Variants in CRISPLD2 observed in about 807,000 individuals in gnomAD.
CRISPLD2 encodes cysteine rich secretory protein LCCL domain containing 2.
A neutral mutation model predicts 71.1 loss-of-function variants in CRISPLD2; 47 were observed. That is an observed-to-expected ratio of 0.66 (90% confidence interval 0.52 to 0.84). CRISPLD2 has a LOEUF of 0.84. Ranked by LOEUF, CRISPLD2 falls within the 40% of genes least tolerant of loss-of-function variation. The probability of loss-of-function intolerance (pLI) is 0.00; values close to 1 mark genes in which losing one functional copy is unlikely to be tolerated. For missense variants in CRISPLD2, 830 were observed against 651.1 expected, an observed-to-expected ratio of 1.27 and a Z score of -2.99; for synonymous variants, 317 against 250.1, an observed-to-expected ratio of 1.27 and a Z score of -2.52.
chr16:84,841,506 G>A (rs921405876), intron 2 of CRISPLD2, among the ~76,000 whole-genome samples: 6 of 151,846 alleles, frequency 4.0e-5, no homozygotes, highest in African/African-American at 1.5e-4. Flanking sequence ...TTTCTATGAG[G>A]AATAGAGTTT....
At position 84,909,387 on chromosome 16, in the gene CRISPLD2, A is replaced by G. The variant is rs546496905; in HGVS notation, c.*2745A>G. 1 of 152,666 alleles carries G rather than the reference A, an allele frequency of 6.6e-6. No individual in the cohort carries two copies. 9.5% of individuals were successfully genotyped at this position (152,666 alleles called of 1,614,324 possible). On this transcript the variant is annotated 3_prime_UTR_variant, in exon 15 of 15. Transcript: ENST00000262424. ...ATTGTAAATGTTTTTTGTGCTTTGC[A>G]TGAACAGGGGCCACGTTGTTGCAAT...
At position 84,909,307 on chromosome 16, in the gene CRISPLD2, G is replaced by A. The variant is rs1004183556; in HGVS notation, c.*2665G>A. The A allele has an allele frequency of 4.6e-5, 7 of 152,574 alleles. No homozygotes were observed. The South Asian group carries it at 1.4e-3, about 32-fold the overall frequency. The allele number at this position is 152,574 out of a possible 1,614,324, so 9.5% of individuals were successfully genotyped here. On this transcript the variant is annotated 3_prime_UTR_variant, in exon 15 of 15. Coordinates refer to ENST00000262424, the MANE Select transcript of CRISPLD2 (RefSeq NM_031476.4). ...CTCACTCAGCCCGCAGTTTATGTGTGTGCTTTTTTCTATGAAAAATGATGT... is the reference window on the plus strand; with the variant it reads ...CTCACTCAGCCCGCAGTTTATGTGTATGCTTTTTTCTATGAAAAATGATGT...
intron 7 of CRISPLD2, among the ~76,000 whole-genome samples, 162 bp downstream of exon 7, chr16:84,867,202 T>C (rs1917566271): frequency 6.6e-6 from 1 of 152,218 alleles, no homozygotes; most frequent in African/African-American, 2.4e-5. Context: ...AAGACGTTTT[T>C]CAAAAACGAT....
chr16:84,843,216 G>T (rs967803528), intron 2 of CRISPLD2, among the ~76,000 whole-genome samples: 9 of 152,296 alleles, frequency 5.9e-5, no homozygotes, highest in Middle Eastern at 3.4e-3. Context: ...GAGCAAGGAG[G>T]CTGAAAGGAT....
chr16:84,852,381 A>C (rs992911179), intron 5 of CRISPLD2, among the ~76,000 whole-genome samples: 2 of 152,100 alleles, frequency 1.3e-5, no homozygotes, highest in Non-Finnish European at 2.9e-5. Context: ...CCACCATTCT[A>C]GCATCTTTCC....
In CRISPLD2 at chr16:84,888,787, C is replaced by A. The variant is rs189021607; in HGVS notation, c.1306-443C>A. On this transcript the variant is annotated intron_variant, in intron 13 of 14. Transcript: ENST00000262424. ...ACGGCTGTGACTGTTTCCTTTATGT[C>A]GTTCTGTCTTCCCTGAGCAGTTCCC... is the stretch of plus-strand genomic sequence containing the variant. Among the ~76,000 whole-genome samples, 780 of 152,306 alleles carry A rather than the reference C, an allele frequency of 5.1e-3. 22 individuals carry two copies. The highest frequency in any genetic ancestry group is 0.048 in the Admixed American group (728 of 15,298).
At chr16:84,902,587 G>C (rs1453084337) in intron 14 of CRISPLD2, among the ~76,000 whole-genome samples, 5 of 151,018 alleles carry the variant, frequency 3.3e-5, no homozygotes, top group African/African-American at 1.2e-4. Flanking sequence ...TACAGCCTGG[G>C]TGACAGAGCG....
At chr16:84,847,465 C>T (rs1287498886) in intron 3 of CRISPLD2, among the ~76,000 whole-genome samples, 5 of 152,134 alleles carry the variant, frequency 3.3e-5, no homozygotes, top group African/African-American at 1.2e-4. Context: ...TCCTGGCCAA[C>T]ATAGTGAAAC....
At chr16:84,875,587 C>G (rs1298085910) in intron 11 of CRISPLD2, among the ~76,000 whole-genome samples, 1 of 151,430 alleles carries the variant, frequency 6.6e-6, no homozygotes, top group Non-Finnish European at 1.5e-5. Flanking sequence ...GATGGAGTCT[C>G]TCTCTGTCGC....
At chr16:84,905,668 G>T (rs1567709355) in intron 14 of CRISPLD2, among the ~76,000 whole-genome samples, 1 of 6,452 alleles carries the variant, frequency 1.5e-4, no homozygotes, top group Non-Finnish European at 2.3e-4. Context: ...TGGGATTCCA[G>T]GTGTGAGGTG....
intron 14 of CRISPLD2, among the ~76,000 whole-genome samples, chr16:84,904,713 G>A (rs1003296448): frequency 6.6e-6 from 1 of 152,024 alleles, no homozygotes; most frequent in Non-Finnish European, 1.5e-5. Flanking sequence ...AGTGGGCAGA[G>A]AATAATTTCT....
chr16:84,889,717 G>A (rs921657561), intron 14 of CRISPLD2, among the ~76,000 whole-genome samples: 13 of 150,656 alleles, frequency 8.6e-5, no homozygotes, highest in Admixed American at 3.3e-4. Flanking sequence ...TTTACTGTTA[G>A]ATTTCTTGGC....
intron 13 of CRISPLD2, 75 bp from the exon 14 acceptor site, chr16:84,889,155 A>T: frequency 6.2e-7 from 1 of 1,602,208 alleles, no homozygotes; most frequent in Non-Finnish European, 8.5e-7. Context: ...CCAGCAGTGA[A>T]TGATGGAGCC....
At chr16:84,883,548 A>G (rs1252080281) in intron 13 of CRISPLD2, among the ~76,000 whole-genome samples, 1 of 152,234 alleles carries the variant, frequency 6.6e-6, no homozygotes, top group East Asian at 1.9e-4. Context: ...TGCACATATC[A>G]GAATCCACCC....
At chr16:84,873,829 A>G in intron 10 of CRISPLD2, 91 bp from the exon 11 acceptor site, 2 of 1,202,508 alleles carry the variant, frequency 1.7e-6, no homozygotes, top group Non-Finnish European at 2.3e-6. Context: ...GACTGCAAAT[A>G]AGATAAGTAT....
At chr16:84,875,414 C>CTTTTTGTTTTTTTTTTTTTTTTTTT (rs2071509395) in intron 11 of CRISPLD2, among the ~76,000 whole-genome samples, 1 of 87,772 alleles carries the variant, frequency 1.1e-5, no homozygotes, top group African/African-American at 5.6e-5. Flanking sequence ...TATGCATGGA[C>CTTTTTGTTTTTTTTTTTTTTTTTTT]TTTTTTTTTT....
chr16:84,860,415 C>T (rs921576961), intron 6 of CRISPLD2, among the ~76,000 whole-genome samples: 14 of 152,236 alleles, frequency 9.2e-5, no homozygotes, highest in African/African-American at 2.9e-4. Flanking sequence ...TGTCACACTC[C>T]GAACCTCACC....
At position 84,847,947 on chromosome 16, in the gene CRISPLD2, C is replaced by G. The variant is rs539424153; in HGVS notation, c.360-1438C>G. 2.0e-5 allele frequency among the ~76,000 whole-genome samples: 3 copies of G among 152,300 alleles called. No individual in the cohort carries two copies. In the South Asian group the frequency reaches 6.2e-4, roughly 32 times the overall value. ...ACAGACCAAAGTTGACCCGTTGGCT[C>G]TTGCAGATTCATTTTTGTTTTTTGT... On this transcript the variant is annotated intron_variant, in intron 3 of 14. Transcript: ENST00000262424.
intron 7 of CRISPLD2, 103 bp downstream of exon 7, chr16:84,867,143 A>G: frequency 8.0e-7 from 1 of 1,250,894 alleles, no homozygotes; most frequent in Non-Finnish European, 1.1e-6. Flanking sequence ...CTGCAAATCC[A>G]CAGGCAGTGG....
Sources: allele counts gnomAD v4.1 joint callset (sites outside exome capture counted in the v4.1 genomes callset), GRCh38; gene constraint gnomAD v4.1.1; transcripts MANE v1.5; gene names NCBI Gene and HGNC (gene_info 2026-07-23, HGNC 2026-07-21).